Variants in METAP1 observed in about 807,000 individuals in gnomAD.
The protein encoded by METAP1 is methionyl aminopeptidase 1.
Under a neutral mutation model 53.8 loss-of-function variants are expected in METAP1, and 28 were observed. The ratio of observed to expected loss-of-function variants is 0.52; its 90% CI spans 0.39 to 0.71. The LOEUF is 0.71. Among genes scored for constraint, METAP1 ranks in the 30% least tolerant of loss-of-function variants. METAP1 has a pLI of 0.00. For synonymous variants in METAP1, 181 were observed against 165.7 expected (o/e 1.09, Z -0.71); for missense variants, 389 against 479.8 (o/e 0.81, Z 1.77).
intron 1 of METAP1, among the ~76,000 whole-genome samples, chr4:99,012,270 T>G (rs1390953488): frequency 4.3e-3 from 44 of 10,274 alleles, no homozygotes; most frequent in African/African-American, 0.04. Context: ...TTAATGTGAG[T>G]TTTTTTTTTT....
intron 1 of METAP1, among the ~76,000 whole-genome samples, chr4:99,014,801 A>C (rs1003118380): frequency 6.6e-6 from 1 of 152,212 alleles, no homozygotes; most frequent in Admixed American, 6.5e-5. Flanking sequence ...GTCCCACTCA[A>C]GGATGGCTGA....
Position 99,034,219 on chromosome 4 carries a change from C to G in METAP1, c.167-11C>G, listed in dbSNP as rs756697174. ...CCTCCTTCCTCTCATATCTATTCCTCCGTCTCCCAGAAGATGAAAAGGCGA... is the reference window on the plus strand; with the variant it reads ...CCTCCTTCCTCTCATATCTATTCCTGCGTCTCCCAGAAGATGAAAAGGCGA... On this transcript the variant is annotated splice_polypyrimidine_tract_variant and intron_variant, in intron 2 of 10. Transcript: ENST00000296411. 2 of 1,488,322 alleles carry G rather than the reference C, an allele frequency of 1.3e-6. No homozygotes were observed. The highest frequency in any genetic ancestry group is 1.8e-6 in the Non-Finnish European group (2 of 1,089,734). The allele number at this position is 1,488,322 out of a possible 1,614,324, so 92.2% of individuals were successfully genotyped here. A position where few individuals can be genotyped will look rare whatever the true frequency, so the allele number is the denominator to read the frequency against.
chr4:98,999,774 G>A (rs1020704780), intron 1 of METAP1, among the ~76,000 whole-genome samples: 1 of 151,858 alleles, frequency 6.6e-6, no homozygotes, highest in Non-Finnish European at 1.5e-5. Context: ...GCCTCCCAAA[G>A]TGCTAGGATT....
intron 2 of METAP1, among the ~76,000 whole-genome samples, chr4:99,031,977 T>A (rs1725072354): frequency 6.6e-6 from 1 of 152,230 alleles, no homozygotes; most frequent in South Asian, 2.1e-4. Context: ...AAAGACTAGT[T>A]ATTATGCAGT....
At chr4:99,039,493 A>G (rs749107411) in intron 5 of METAP1, 28 bp downstream of exon 5, 69 of 1,382,102 alleles carry the variant, frequency 5.0e-5, no homozygotes, top group Non-Finnish European at 6.7e-5. Flanking sequence ...TCCATGGGGT[A>G]GGAAATGTTT....
At chr4:99,056,801 C>T (rs917719695) in intron 9 of METAP1, among the ~76,000 whole-genome samples, 12 of 151,936 alleles carry the variant, frequency 7.9e-5, no homozygotes, top group Admixed American at 1.3e-4. Flanking sequence ...GATCTCCTGA[C>T]CTCGTGATCC....
chr4:99,060,248 C>T (rs1218975979), intron 10 of METAP1, among the ~76,000 whole-genome samples: 1 of 152,088 alleles, frequency 6.6e-6, no homozygotes, highest in Non-Finnish European at 1.5e-5. Context: ...ATTAAACATT[C>T]CCTTCCTATT....
chr4:99,048,019 A>G (rs529471222), intron 8 of METAP1, among the ~76,000 whole-genome samples: 6 of 152,320 alleles, frequency 3.9e-5, no homozygotes, highest in Non-Finnish European at 8.8e-5. Flanking sequence ...AACTCAGGAC[A>G]ATTCGTTACT....
intron 2 of METAP1, among the ~76,000 whole-genome samples, chr4:99,030,183 G>T (rs1018924835): frequency 1.3e-5 from 2 of 152,136 alleles, no homozygotes; most frequent in Non-Finnish European, 2.9e-5. Context: ...AAGGGTTGAG[G>T]TTAAACAATA....
At chr4:99,047,512 G>A (rs1035802488) in intron 8 of METAP1, among the ~76,000 whole-genome samples, 11 of 152,172 alleles carry the variant, frequency 7.2e-5, no homozygotes, top group Non-Finnish European at 1.5e-4. Context: ...ATGAAAGTCA[G>A]CATGATTTTT....
intron 1 of METAP1, among the ~76,000 whole-genome samples, chr4:99,006,540 TA>T: frequency 6.6e-6 from 1 of 152,304 alleles, no homozygotes; most frequent in South Asian, 2.1e-4. Flanking sequence ...CTGAATCTAT[TA>T]AATATTCAGC....
intron 3 of METAP1, 62 bp from the exon 4 acceptor site, chr4:99,035,338 T>C (rs1439878386): frequency 1.2e-5 from 15 of 1,221,996 alleles, no homozygotes; most frequent in African/African-American, 4.5e-5. Context: ...AATGGACTTC[T>C]TTCTCCCCTC....
intron 9 of METAP1, among the ~76,000 whole-genome samples, chr4:99,057,183 T>C (rs1452817967): frequency 1.3e-5 from 2 of 152,218 alleles, no homozygotes; most frequent in Admixed American, 6.5e-5. Context: ...TTTTAAAAAG[T>C]AGGTTAATGT....
At chr4:99,007,475 G>A (rs1001967718) in intron 1 of METAP1, among the ~76,000 whole-genome samples, 2 of 152,024 alleles carry the variant, frequency 1.3e-5, no homozygotes, top group African/African-American at 4.8e-5. Context: ...AGTGGTTTTA[G>A]CATTGCGATG....
chr4:99,027,143 G>T (rs575178455), intron 1 of METAP1, among the ~76,000 whole-genome samples: 1 of 152,224 alleles, frequency 6.6e-6, no homozygotes, highest in African/African-American at 2.4e-5. Flanking sequence ...AATGATGGCT[G>T]TGTAGACCCA....
chr4:99,048,033 T>G (rs1176464361), intron 8 of METAP1, among the ~76,000 whole-genome samples: 1 of 152,346 alleles, frequency 6.6e-6, no homozygotes, highest in East Asian at 1.9e-4. Context: ...CGTTACTTTT[T>G]GGACGTTCCT....
chr4:99,005,801 A>C, intron 1 of METAP1: 1 of 429,548 alleles, frequency 2.3e-6, no homozygotes, highest in Non-Finnish European at 4.6e-6. Flanking sequence ...TGTTATTCTA[A>C]GTGAAGTAAC....
chr4:99,000,944 T>C, intron 1 of METAP1, among the ~76,000 whole-genome samples: 1 of 152,154 alleles, frequency 6.6e-6, no homozygotes, highest in East Asian at 1.9e-4. Context: ...AGTTCCACTT[T>C]GCCTCAGCCT....
chr4:99,030,228 C>T (rs1356635757), intron 2 of METAP1, among the ~76,000 whole-genome samples: 2 of 152,148 alleles, frequency 1.3e-5, no homozygotes, highest in Non-Finnish European at 1.5e-5. Context: ...GCCTCTCCCT[C>T]AGATTTGCTA....
Sources: gnomAD v4.1 joint callset for allele counts (sites outside exome capture counted in the v4.1 genomes callset) on GRCh38, gnomAD v4.1.1 for gene constraint, MANE v1.5 for transcripts, NCBI Gene and HGNC (gene_info 2026-07-23, HGNC 2026-07-21) for gene names.